The following POLR3G variants were observed in gnomAD, a reference collection of about 807,000 sequenced individuals.
POLR3G encodes the protein DNA-directed RNA polymerase III subunit RPC7.
In POLR3G, 28 loss-of-function variants were observed where a neutral mutation model predicts 30.1. The observed-to-expected ratio is 0.93, with a 90% confidence interval of 0.69 to 1.27. The LOEUF is 1.27. Among genes scored for constraint, POLR3G ranks in the 50% most tolerant of loss-of-function variants. The pLI, the probability that POLR3G is intolerant of heterozygous loss-of-function variation, is 0.00. For missense variants in POLR3G, 254 were observed against 264.6 expected (o/e 0.96, Z 0.28); for synonymous variants, 79 against 82.5 (o/e 0.96, Z 0.23).
chr5:90,480,761 G>A (rs1751083310), intron 1 of POLR3G, among the ~76,000 whole-genome samples: 1 of 152,176 alleles, frequency 6.6e-6, no homozygotes, highest in Admixed American at 6.5e-5. Context: ...TCTTTAAGTA[G>A]TGGCAAATCC....
At chr5:90,499,089 A>G (rs1339616803) in intron 5 of POLR3G, among the ~76,000 whole-genome samples, 4 of 152,202 alleles carry the variant, frequency 2.6e-5, no homozygotes, top group African/African-American at 4.8e-5. Flanking sequence ...TACAAATATA[A>G]ATGTTAAATA....
rs1349612552 is a variant in POLR3G at position 90,495,677 on chromosome 5, A to G, written c.248A>G (p.Asp83Gly). 1.0e-5 allele frequency: 16 copies of G among 1,602,042 alleles called. No individual in the cohort carries two copies. The highest frequency in any genetic ancestry group is 1.4e-5 in the Non-Finnish European group (16 of 1,174,488). ...AGTTCTTTATTCTTTTTTCCCCTAG[A>G]TATTGAAAGGTATAGTAAAAGATAC... ...YFIETPEERQ[D>G]IERYSKRYMK... Residue 83 changes from aspartate to glycine, a missense_variant and splice_region_variant, in exon 4 of 8, where the codon GAT (aspartate) becomes GGT (glycine). Physicochemically the swap from Asp to Gly is moderately conservative, Grantham distance 94 (BLOSUM62 -1). Transcript: ENST00000651687.
intron 1 of POLR3G, among the ~76,000 whole-genome samples, chr5:90,483,621 A>G (rs1449293468): frequency 6.6e-6 from 1 of 152,096 alleles, no homozygotes; most frequent in East Asian, 1.9e-4. Context: ...CCTGGCCAAC[A>G]TGGTGAAACC....
chr5:90,474,100 C>A (rs748234458), upstream of POLR3G: 1 of 1,576,350 alleles, frequency 6.3e-7, no homozygotes, highest in East Asian at 2.3e-5. Flanking sequence ...GCCTCTCGGT[C>A]CTGCAAGAGG....
At chr5:90,504,487 G>A (rs897325644) in intron 6 of POLR3G, among the ~76,000 whole-genome samples, 13 of 151,676 alleles carry the variant, frequency 8.6e-5, no homozygotes, top group Admixed American at 8.5e-4. Flanking sequence ...ATGTGAACCT[G>A]GGAGGTGGAG....
chr5:90,482,869 A>G (rs569118803), intron 1 of POLR3G, among the ~76,000 whole-genome samples: 40 of 152,244 alleles, frequency 2.6e-4, no homozygotes, highest in African/African-American at 9.4e-4. Context: ...GGCTGGGCGC[A>G]GTGGCTCACA....
intron 6 of POLR3G, chr5:90,502,382 T>G: frequency 2.2e-6 from 2 of 910,074 alleles, no homozygotes; most frequent in Non-Finnish European, 2.6e-6. Flanking sequence ...TAATGCTTTT[T>G]TTTTGGTCTT....
chr5:90,495,791 T>C, intron 4 of POLR3G, 58 bp downstream of exon 4: 2 of 1,507,942 alleles, frequency 1.3e-6, no homozygotes, highest in Non-Finnish European at 1.8e-6. Context: ...TCTCACCTCA[T>C]GTTTTTTTTT....
intron 1 of POLR3G, among the ~76,000 whole-genome samples, chr5:90,481,147 TA>T (rs1321351623): frequency 6.6e-6 from 1 of 152,134 alleles, no homozygotes; most frequent in Non-Finnish European, 1.5e-5. Flanking sequence ...AAAATTGATC[TA>T]GATTGTGATC....
At chr5:90,506,448 TA>T in intron 6 of POLR3G, 79 bp from the exon 7 acceptor site, 3 of 1,501,422 alleles carry the variant, frequency 2.0e-6, no homozygotes, top group Non-Finnish European at 2.7e-6. Flanking sequence ...AGGTGATAGA[TA>T]ACTGTTCCCT....
intron 3 of POLR3G, 115 bp from the exon 4 acceptor site, chr5:90,495,562 C>T: frequency 2.7e-6 from 4 of 1,456,418 alleles, no homozygotes; most frequent in Non-Finnish European, 3.6e-6. Context: ...TGGGAAACTC[C>T]CTGTATGTAA....
rs1271471163 is a variant in POLR3G, at chr5:90,514,152, A to G, written c.*2013A>G. 5 of 152,202 alleles carry G rather than the reference A, an allele frequency of 3.3e-5. No individual in the cohort carries two copies. The highest frequency in any genetic ancestry group is 7.3e-5 in the Non-Finnish European group (5 of 68,036). The allele number at this position is 152,202 out of a possible 1,614,324, so 9.4% of individuals were successfully genotyped here. On this transcript the variant is annotated 3_prime_UTR_variant, in exon 8 of 8. Transcript: ENST00000651687. ...AAAGATCCTTTTACAATGTTAAAGT[A>G]TACTAGTTGCAAGAACAAGCAGGAT...
At chr5:90,491,595 A>G (rs1293747275) in intron 3 of POLR3G, among the ~76,000 whole-genome samples, 2 of 151,778 alleles carry the variant, frequency 1.3e-5, no homozygotes, top group African/African-American at 2.4e-5. Context: ...TTATTCTTGC[A>G]TAGAGGTTTT....
At chr5:90,505,801 T>TG (rs1483979018) in intron 6 of POLR3G, among the ~76,000 whole-genome samples, 4 of 152,222 alleles carry the variant, frequency 2.6e-5, no homozygotes, top group Non-Finnish European at 5.9e-5. Context: ...TAGTATTAAA[T>TG]GGCCTCATGT....
At chr5:90,479,368 GA>G (rs1751007217) in intron 1 of POLR3G, among the ~76,000 whole-genome samples, 1 of 152,162 alleles carries the variant, frequency 6.6e-6, no homozygotes, top group South Asian at 2.1e-4. Flanking sequence ...AGCTACTCTG[GA>G]GGCTGAGGCA....
At chr5:90,479,542 C>T (rs1254504505) in intron 1 of POLR3G, among the ~76,000 whole-genome samples, 1 of 152,162 alleles carries the variant, frequency 6.6e-6, no homozygotes, top group Non-Finnish European at 1.5e-5. Context: ...AGATCAATTT[C>T]CCAAAAGTGG....
At position 90,512,366 on chromosome 5, in the gene POLR3G, T is replaced by C. The variant is rs1192110222; in HGVS notation, c.*227T>C. On this transcript the variant is annotated 3_prime_UTR_variant, in exon 8 of 8. Transcript: ENST00000651687. ...CTAAACACCTCTGCCATCTCTCTTA[T>C]GTACTCTCATGGGTTTTTTTGTATG... 9.3e-6 allele frequency: 4 copies of C among 429,914 alleles called. No homozygotes were observed. The highest frequency in any genetic ancestry group is 3.7e-5 in the East Asian group (1 of 27,162). 26.6% of individuals were successfully genotyped at this position (429,914 alleles called of 1,614,324 possible).
At chr5:90,489,477 G>A (rs1751613958) in intron 3 of POLR3G, among the ~76,000 whole-genome samples, 1 of 151,544 alleles carries the variant, frequency 6.6e-6, no homozygotes, top group Admixed American at 6.6e-5. Flanking sequence ...TGGCTAGGCT[G>A]GTCTTGAACT....
intron 1 of POLR3G, among the ~76,000 whole-genome samples, chr5:90,476,313 C>A (rs891851209): frequency 6.6e-6 from 1 of 152,106 alleles, no homozygotes; most frequent in Admixed American, 6.6e-5. Context: ...AATTCATGAA[C>A]AGAGTTGTGT....
Sources: gnomAD v4.1 joint callset for allele counts (sites outside exome capture counted in the v4.1 genomes callset) on GRCh38, gnomAD v4.1.1 for gene constraint, MANE v1.5 for transcripts, NCBI Gene and HGNC (gene_info 2026-07-23, HGNC 2026-07-21) for gene names.